TRIP4: variants seen among roughly 807,000 people sequenced by gnomAD.
TRIP4 encodes thyroid hormone receptor interactor 4, also known as activating signal cointegrator 1.
A neutral mutation model predicts 81.8 loss-of-function variants in TRIP4; 54 were observed. That is an observed-to-expected ratio of 0.66 (90% CI 0.53 to 0.83). The LOEUF (loss-of-function observed/expected upper bound fraction) is 0.83. Ranked by LOEUF, TRIP4 falls within the 40% of genes least tolerant of loss-of-function variation. The pLI is 0.00. For synonymous variants in TRIP4, 270 were observed against 242.8 expected, an observed-to-expected ratio of 1.11 and a Z score of -1.04; for missense variants, 662 against 683.6, an observed-to-expected ratio of 0.97 and a Z score of 0.35.
intron 7 of TRIP4, among the ~76,000 whole-genome samples, chr15:64,413,130 G>A (rs1039499026): frequency 1.3e-5 from 2 of 152,132 alleles, no homozygotes; most frequent in African/African-American, 4.8e-5. Flanking sequence ...AGGAATAACT[G>A]TATAGGTTGT....
intron 1 of TRIP4, 64 bp downstream of exon 1, chr15:64,388,028 G>C: frequency 6.8e-7 from 1 of 1,479,358 alleles, no homozygotes; most frequent in South Asian, 1.3e-5. Flanking sequence ...GAGCGAACCG[G>C]GAAGCGGGGA....
intron 8 of TRIP4, among the ~76,000 whole-genome samples, chr15:64,416,060 T>G (rs950889070): frequency 1.7e-4 from 26 of 152,040 alleles, no homozygotes; most frequent in Non-Finnish European, 3.1e-4. Context: ...GAGAGTTATT[T>G]AAAGACCAAA....
chr15:64,427,827 C>T (rs1375468685), intron 11 of TRIP4, among the ~76,000 whole-genome samples: 1 of 152,142 alleles, frequency 6.6e-6, no homozygotes, highest in Admixed American at 6.6e-5. Flanking sequence ...TTGTTCTTCC[C>T]TTAGTATCTG....
chr15:64,452,522 A>C (rs1892793476), intron 12 of TRIP4, among the ~76,000 whole-genome samples: 1 of 152,226 alleles, frequency 6.6e-6, no homozygotes, highest in South Asian at 2.1e-4. Context: ...TAAAGGACTC[A>C]GTGTATGTGT....
chr15:64,404,933 A>G (rs1014248696), intron 5 of TRIP4, among the ~76,000 whole-genome samples: 1 of 151,548 alleles, frequency 6.6e-6, no homozygotes, highest in African/African-American at 2.4e-5. Flanking sequence ...TGATCCTCCC[A>G]CCTCAGCCTC....
At chr15:64,426,381 T>C (rs1892145284) in intron 11 of TRIP4, among the ~76,000 whole-genome samples, 1 of 152,168 alleles carries the variant, frequency 6.6e-6, no homozygotes, top group Non-Finnish European at 1.5e-5. Flanking sequence ...TATGCATTTA[T>C]ATATTTTAAT....
chr15:64,454,394 C>G (rs191541487), intron 12 of TRIP4, among the ~76,000 whole-genome samples: 42 of 152,198 alleles, frequency 2.8e-4, no homozygotes, highest in African/African-American at 1.0e-3. Flanking sequence ...ATTAGGGTCA[C>G]CTGGGATGGG....
At chr15:64,407,260 T>C (rs1232380487) in intron 6 of TRIP4, among the ~76,000 whole-genome samples, 3 of 152,176 alleles carry the variant, frequency 2.0e-5, no homozygotes, top group Admixed American at 6.5e-5. Flanking sequence ...ATACATGAGA[T>C]AAGATTTAGA....
intron 5 of TRIP4, among the ~76,000 whole-genome samples, chr15:64,403,560 A>G (rs1387949549): frequency 6.6e-6 from 1 of 152,232 alleles, no homozygotes; most frequent in African/African-American, 2.4e-5. Context: ...TTTTTGTTTT[A>G]TATCGACAGA....
chr15:64,427,742 ACCTCCTCTG>A (rs1416131192), intron 11 of TRIP4, among the ~76,000 whole-genome samples: 1 of 151,890 alleles, frequency 6.6e-6, no homozygotes, highest in Admixed American at 6.6e-5. Flanking sequence ...CTTGTGAGTT[ACCTCCTCTG>A]CCTCCTCTGA....
At chr15:64,396,100 G>T (rs570055196) in intron 3 of TRIP4, among the ~76,000 whole-genome samples, 2 of 151,858 alleles carry the variant, frequency 1.3e-5, no homozygotes, top group South Asian at 4.2e-4. Context: ...GTAGAGATGG[G>T]GTTTCACCGA....
Position 64,406,413 on chromosome 15 carries a change from A to G in TRIP4, c.781A>G (p.Lys261Glu), listed in dbSNP as rs200794090. The change falls in exon 6 of 13, where the codon AAG becomes GAG. Residue 261 changes from lysine (K) to glutamate (E), a missense_variant. Lys to Glu is a moderately conservative substitution (Grantham distance 56). Transcript: ENST00000261884. ...QELRIKSGLE[K>E]AIKHKDKLLE... Reference sequence around the variant, plus strand: ...ATTGCGAATTAAGTCTGGTCTGGAGAAGGCTATCAAGCATAAAGACAAACT... The same window carrying G: ...ATTGCGAATTAAGTCTGGTCTGGAGGAGGCTATCAAGCATAAAGACAAACT... 1 of 1,614,162 alleles carries G rather than the reference A, an allele frequency of 6.2e-7. No individual in the cohort carries two copies. The highest frequency in any genetic ancestry group is 2.2e-5 in the East Asian group (1 of 44,876).
intron 12 of TRIP4, among the ~76,000 whole-genome samples, chr15:64,447,434 C>T (rs1222374078): frequency 1.3e-5 from 2 of 152,224 alleles, no homozygotes; most frequent in African/African-American, 4.8e-5. Flanking sequence ...ACAGGTTCCT[C>T]AATCCTGCTC....
chr15:64,414,866 G>A (rs1354396486), intron 8 of TRIP4, among the ~76,000 whole-genome samples: 2 of 151,942 alleles, frequency 1.3e-5, no homozygotes, highest in African/African-American at 4.8e-5. Context: ...GGCTGAGGTG[G>A]GCAGATTGCT....
At chr15:64,452,593 A>G (rs1021508464) in intron 12 of TRIP4, among the ~76,000 whole-genome samples, 1 of 152,170 alleles carries the variant, frequency 6.6e-6, no homozygotes, top group African/African-American at 2.4e-5. Context: ...TAATCTTCTT[A>G]ATAATTCTGT....
intron 9 of TRIP4, among the ~76,000 whole-genome samples, chr15:64,421,342 ATTTT>A (rs955322284): frequency 1.5e-5 from 2 of 136,876 alleles, no homozygotes; most frequent in African/African-American, 5.4e-5. Flanking sequence ...TCTTTCTTTC[ATTTT>A]TTTTTTTTAA....
At chr15:64,402,853 ATTAT>A (rs1271668775) in intron 5 of TRIP4, among the ~76,000 whole-genome samples, 5 of 148,770 alleles carry the variant, frequency 3.4e-5, no homozygotes, top group Admixed American at 2.0e-4. Flanking sequence ...TTATTTATTT[ATTAT>A]TTATTTAGTT....
At chr15:64,430,150 C>T (rs1319355921) in intron 11 of TRIP4, among the ~76,000 whole-genome samples, 1 of 152,202 alleles carries the variant, frequency 6.6e-6, no homozygotes, top group South Asian at 2.1e-4. Context: ...TTCTCCTGAG[C>T]CATGAACTAG....
intron 4 of TRIP4, among the ~76,000 whole-genome samples, 188 bp from the exon 5 acceptor site, chr15:64,400,555 G>T: frequency 6.7e-6 from 1 of 148,554 alleles, no homozygotes; most frequent in East Asian, 2.1e-4. Flanking sequence ...TCATAAAAAA[G>T]AAATGGAAAG....
Sources: gnomAD v4.1 joint callset for allele counts (sites outside exome capture counted in the v4.1 genomes callset) on GRCh38, gnomAD v4.1.1 for gene constraint, MANE v1.5 for transcripts, NCBI Gene and HGNC (gene_info 2026-07-23, HGNC 2026-07-21) for gene names.